Variants in EPHA4 observed in about 807,000 individuals in gnomAD.
EPHA4 encodes the protein EPH receptor A4.
A neutral mutation model predicts 108.3 loss-of-function variants in EPHA4; 19 were observed. The observed-to-expected ratio is 0.18, with a 90% CI of 0.12 to 0.26. The LOEUF is 0.26. Ranked by LOEUF, EPHA4 falls within the 10% of genes least tolerant of loss-of-function variation. The pLI, the probability that EPHA4 is intolerant of heterozygous loss-of-function variation, is 1.00. For synonymous variants in EPHA4, 449 were observed against 455.5 expected (o/e 0.99, Z 0.18); for missense variants, 917 against 1,254.0 (o/e 0.73, Z 4.06).
At chr2:221,527,345 A>G (rs1374314262) in intron 3 of EPHA4, among the ~76,000 whole-genome samples, 1 of 152,168 alleles carries the variant, frequency 6.6e-6, no homozygotes, top group Non-Finnish European at 1.5e-5. Context: ...TCTCATCAGA[A>G]AATATTAAGA....
intron 4 of EPHA4, among the ~76,000 whole-genome samples, chr2:221,496,864 G>A (rs1352289279): frequency 6.6e-6 from 1 of 152,012 alleles, no homozygotes. Context: ...AGCCAAGATT[G>A]TGTCATTGCA....
chr2:221,448,515 A>C (rs948591551), intron 8 of EPHA4, among the ~76,000 whole-genome samples: 72 of 152,340 alleles, frequency 4.7e-4, no homozygotes, highest in African/African-American at 1.7e-3. Flanking sequence ...TTTCTATAAA[A>C]GATGAAGTCT....
rs1373105793 is a variant in EPHA4, at chr2:221,571,708, T to C, written c.91+450A>G. Among the ~76,000 whole-genome samples the C allele has an allele frequency of 6.6e-6, 1 of 152,156 alleles. No individual in the cohort carries two copies. The highest frequency in any genetic ancestry group is 1.5e-5 in the Non-Finnish European group (1 of 67,994). On this transcript the variant is annotated intron_variant, in intron 1 of 17. Coordinates refer to ENST00000281821, the MANE Select transcript of EPHA4 (RefSeq NM_004438.5). This position sits in a 1 kb window ranked among gnomAD's most constrained non-coding sequence, Gnocchi z 6.3. ...GAGAAGCGCAGGGCTCGGGAAACTT[T>C]GCAGAAACCAGAGCTCGAAAGGCTT...
Position 221,458,003 on chromosome 2 carries a change from AACAAAAG to A in EPHA4, c.1319-20_1319-14del, listed in dbSNP as rs1691016710. On this transcript the variant is annotated splice_polypyrimidine_tract_variant and intron_variant, in intron 5 of 17. Transcript: ENST00000281821. ...ATGGATGATGGTGCTGTTAGAAAAA[AACAAAAG>A]ACAAAAGATATTTTCTTTAGGAAAA... 6.2e-7 allele frequency: 1 copy of A among 1,602,376 alleles called. No homozygotes were observed. Among genetic ancestry groups the A allele is most frequent in the African/African-American group, 1.3e-5 (1 of 74,338 alleles).
chr2:221,495,980 G>A (rs931172608), intron 4 of EPHA4, among the ~76,000 whole-genome samples: 1 of 152,156 alleles, frequency 6.6e-6, no homozygotes, highest in African/African-American at 2.4e-5. Context: ...GATTATCATG[G>A]CTGTCAGCAC....
chr2:221,509,165 C>T (rs1008061881), intron 3 of EPHA4, among the ~76,000 whole-genome samples: 1 of 152,134 alleles, frequency 6.6e-6, no homozygotes. Flanking sequence ...CCTGTCTTTA[C>T]TAAAAATACA....
rs1188763459 is a variant in EPHA4 at position 221,571,341 on chromosome 2, G to A, written c.91+817C>T. Reference sequence around the variant, plus strand: ...GCCCCCCCGCCCCGCCCCACCTCCCGACACAGACACACAGGCACATACAAT... The same window carrying A: ...GCCCCCCCGCCCCGCCCCACCTCCCAACACAGACACACAGGCACATACAAT... On this transcript the variant is annotated intron_variant, in intron 1 of 17. Coordinates refer to ENST00000281821, the MANE Select transcript of EPHA4 (RefSeq NM_004438.5). This position sits in a 1 kb window ranked among gnomAD's most constrained non-coding sequence, Gnocchi z 6.3. 3.0e-5 allele frequency among the ~76,000 whole-genome samples: 2 copies of A among 67,598 alleles called. No individual in the cohort carries two copies. The highest frequency in any genetic ancestry group is 5.0e-4 in the South Asian group (1 of 2,020). 44.3% of individuals were successfully genotyped at this position (67,598 alleles called of 152,430 possible).
chr2:221,561,016 G>A (rs1328994747), intron 3 of EPHA4, among the ~76,000 whole-genome samples: 2 of 152,204 alleles, frequency 1.3e-5, no homozygotes, highest in African/African-American at 4.8e-5. Context: ...GCCAAGGCGG[G>A]TGGATCACGA....
At chr2:221,465,182 A>G (rs567872577) in intron 5 of EPHA4, among the ~76,000 whole-genome samples, 164 of 152,172 alleles carry the variant, frequency 1.1e-3, no homozygotes, top group Non-Finnish European at 2.0e-3. Flanking sequence ...TCATGCTGCC[A>G]ATGATTTTAA....
At chr2:221,479,206 C>T (rs1691748181) in intron 5 of EPHA4, among the ~76,000 whole-genome samples, 1 of 152,204 alleles carries the variant, frequency 6.6e-6, no homozygotes, top group Admixed American at 6.5e-5. Context: ...AGGAAAGCAA[C>T]TTTCTACTTT....
At position 221,564,887 on chromosome 2, in the gene EPHA4, C is replaced by CAAAAAAA. The variant is rs1233305564; in HGVS notation, c.160-500_160-494dup. Among the ~76,000 whole-genome samples, 4 of 73,066 alleles carry CAAAAAAA rather than the reference C, an allele frequency of 5.5e-5. 2 individuals are homozygous for CAAAAAAA. The highest frequency in any genetic ancestry group is 5.8e-5 in the Non-Finnish European group (2 of 34,552). 47.9% of individuals were successfully genotyped at this position (73,066 alleles called of 152,430 possible). ...GTCAGAACTTTGCTCTCTAATACCT[C>CAAAAAAA]AAAAAAAAAAAAAAAAAAAAAAAAG... is the stretch of plus-strand genomic sequence containing the variant. On this transcript the variant is annotated intron_variant, in intron 2 of 17. Coordinates refer to ENST00000281821, the MANE Select transcript of EPHA4 (RefSeq NM_004438.5).
chr2:221,494,708 G>A (rs939117968), intron 4 of EPHA4, among the ~76,000 whole-genome samples: 1 of 152,164 alleles, frequency 6.6e-6, no homozygotes, highest in African/African-American at 2.4e-5. Flanking sequence ...CATTGAACAA[G>A]CAAGTACATG....
intron 3 of EPHA4, chr2:221,532,955 G>A (rs1302713543): frequency 2.0e-5 from 3 of 152,228 alleles, no homozygotes; most frequent in Admixed American, 1.3e-4. Context: ...GGCAGACTTG[G>A]CCTTCTGTAG....
chr2:221,532,974 G>A (rs895948150), intron 3 of EPHA4: 8 of 152,144 alleles, frequency 5.3e-5, no homozygotes, highest in African/African-American at 1.2e-4. Flanking sequence ...AGGGGGAGTC[G>A]GCCACTCTTG....
At chr2:221,510,680 C>T (rs894019682) in intron 3 of EPHA4, among the ~76,000 whole-genome samples, 20 of 152,160 alleles carry the variant, frequency 1.3e-4, no homozygotes, top group Admixed American at 7.2e-4. Context: ...ATAAAGCCTG[C>T]TAAATCTAAA....
intron 3 of EPHA4, among the ~76,000 whole-genome samples, chr2:221,514,361 G>A (rs189789074): frequency 3.5e-4 from 54 of 152,234 alleles, no homozygotes; most frequent in African/African-American, 1.3e-3. Context: ...TTGCTTTCGT[G>A]TGATGCACTC....
chr2:221,501,991 C>A (rs1224992289), intron 3 of EPHA4, among the ~76,000 whole-genome samples: 1 of 152,104 alleles, frequency 6.6e-6, no homozygotes, highest in Admixed American at 6.5e-5. Flanking sequence ...CCTTCCCCTG[C>A]AATGCACACA....
intron 13 of EPHA4, among the ~76,000 whole-genome samples, chr2:221,435,419 A>G (rs978287083): frequency 2.0e-5 from 3 of 152,034 alleles, no homozygotes; most frequent in Non-Finnish European, 2.9e-5. Context: ...AATTCAAAAG[A>G]GGACAAGCAT....
chr2:221,490,764 C>T (rs778326345), intron 4 of EPHA4, among the ~76,000 whole-genome samples: 20 of 152,174 alleles, frequency 1.3e-4, no homozygotes, highest in Non-Finnish European at 2.1e-4. Flanking sequence ...GGATGCATTA[C>T]GTTTTGACTC....
Sources: allele counts gnomAD v4.1 joint callset (sites outside exome capture counted in the v4.1 genomes callset), GRCh38; gene constraint gnomAD v4.1.1; non-coding constraint Gnocchi (gnomAD v3.1); transcripts MANE v1.5; gene names NCBI Gene and HGNC (gene_info 2026-07-23, HGNC 2026-07-21).